NDUFA10: variants seen among roughly 807,000 people sequenced by gnomAD.
NDUFA10 encodes the protein NADH:ubiquinone oxidoreductase subunit A10, also known as NADH dehydrogenase [ubiquinone] 1 alpha subcomplex subunit 10, mitochondrial.
Under a neutral mutation model 47.8 loss-of-function variants are expected in NDUFA10, and 40 were observed. The ratio of observed to expected loss-of-function variants is 0.84; its 90% confidence interval spans 0.65 to 1.09. The LOEUF (loss-of-function observed/expected upper bound fraction) is 1.09. Ranked by LOEUF, NDUFA10 falls within the 50% of genes least tolerant of loss-of-function variation. The probability of loss-of-function intolerance (pLI) is 0.00; values close to 1 mark genes in which losing one functional copy is unlikely to be tolerated. For synonymous variants in NDUFA10, 183 were observed against 172.2 expected, an observed-to-expected ratio of 1.06 and a Z score of -0.49; for missense variants, 413 against 451.1, an observed-to-expected ratio of 0.92 and a Z score of 0.76.
At chr2:239,937,011 G>A (rs1331847800) in intron 4 of NDUFA10, among the ~76,000 whole-genome samples, 1 of 152,062 alleles carries the variant, frequency 6.6e-6, no homozygotes, top group Non-Finnish European at 1.5e-5. Flanking sequence ...ATCTTTTCTG[G>A]AAGCCCCAGC....
intron 8 of NDUFA10, 29 bp downstream of exon 8, chr2:240,005,181 T>G (rs1265288422): frequency 6.3e-7 from 1 of 1,586,366 alleles, no homozygotes; most frequent in Non-Finnish European, 8.7e-7. Flanking sequence ...ACCCCAGACA[T>G]GCAGCAGCCC....
rs532024346 is a variant in NDUFA10, at chr2:239,933,745, G to A, written c.295-38431C>T. ...AGGAATGATATGTAGGGCCCTGTAC[G>A]GAACGAAGTCAGTGAAACAGGGGCA... On this transcript the variant is annotated intron_variant, in intron 4 of 5. Coordinates refer to the NDUFA10 transcript ENST00000419408. Among the ~76,000 whole-genome samples the A allele has an allele frequency of 5.8e-4, 88 of 152,212 alleles. 2 individuals are homozygous for A. In the Middle Eastern group the frequency reaches 0.024, roughly 41 times the overall value.
Position 239,960,210 on chromosome 2 carries a change from C to A in NDUFA10, c.*908G>T, listed in dbSNP as rs1694794003. 1 of 984,948 alleles carries A rather than the reference C, an allele frequency of 1.0e-6. No individual in the cohort carries two copies. Among genetic ancestry groups the A allele is most frequent in the African/African-American group, 1.8e-5 (1 of 56,944 alleles). 61.0% of individuals were successfully genotyped at this position (984,948 alleles called of 1,614,324 possible). A position where few individuals can be genotyped will look rare whatever the true frequency, so the allele number is the denominator to read the frequency against. ...ACAGTGGAGCTTTACAGTGGAAAAC[C>A]CACAGTTCAGTAGGACTCACAACTG... On this transcript the variant is annotated 3_prime_UTR_variant, in exon 10 of 10. Coordinates refer to ENST00000252711, the MANE Select transcript of NDUFA10 (RefSeq NM_004544.4).
At chr2:239,951,579 C>G (rs1224790197) in intron 4 of NDUFA10, among the ~76,000 whole-genome samples, 1 of 152,146 alleles carries the variant, frequency 6.6e-6, no homozygotes, top group East Asian at 1.9e-4. Flanking sequence ...CAGGATGTGC[C>G]GGACACTGAG....
At chr2:239,953,804 C>T (rs1373319415), downstream of NDUFA10, among the ~76,000 whole-genome samples, 1 of 152,244 alleles carries the variant, frequency 6.6e-6, no homozygotes, top group Non-Finnish European at 1.5e-5. Flanking sequence ...GCACAGCCAA[C>T]ACAGGCTCCT....
rs537087873 is a variant in NDUFA10 at position 239,948,682 on chromosome 2, G to A, written c.294+41392C>T. ...CAAGGACAAACTAGGGATTGCAAAGGTGGCTCAGATGCCAGCCTGACGACG... is the reference window on the plus strand; with the variant it reads ...CAAGGACAAACTAGGGATTGCAAAGATGGCTCAGATGCCAGCCTGACGACG... On this transcript the variant is annotated intron_variant, in intron 4 of 5. Coordinates refer to the NDUFA10 transcript ENST00000419408. Among the ~76,000 whole-genome samples the A allele has an allele frequency of 3.9e-5, 6 of 152,336 alleles. No individual in the cohort carries two copies. The South Asian group carries it at 8.3e-4, about 21-fold the overall frequency.
rs2106389006 is a variant in NDUFA10, at chr2:239,957,918, T to C, written c.*3200A>G. ...TCGCTGCTTCGAGTCACACACGTGT[T>C]GCTGTTATAAGGTCCTTTGCTTTGA... is the stretch of plus-strand genomic sequence containing the variant. On this transcript the variant is annotated 3_prime_UTR_variant, in exon 10 of 10. Transcript: ENST00000252711. 6.6e-6 allele frequency: 1 copy of C among 152,344 alleles called. No homozygotes were observed. The highest frequency in any genetic ancestry group is 1.5e-5 in the Non-Finnish European group (1 of 68,042). 9.4% of individuals were successfully genotyped at this position (152,344 alleles called of 1,614,324 possible). A position where few individuals can be genotyped will look rare whatever the true frequency, so the allele number is the denominator to read the frequency against.
intron 4 of NDUFA10, among the ~76,000 whole-genome samples, chr2:239,938,965 G>A (rs924588053): frequency 2.0e-5 from 3 of 152,154 alleles, no homozygotes; most frequent in African/African-American, 7.2e-5. Flanking sequence ...GCGGAAAGAC[G>A]CTGCCTCACG....
intron 5 of NDUFA10, among the ~76,000 whole-genome samples, chr2:239,894,866 A>G (rs952294985): frequency 2.6e-5 from 4 of 152,162 alleles, no homozygotes; most frequent in South Asian, 2.1e-4. Context: ...TTCCATGATG[A>G]ATATGGCTAC....
intron 9 of NDUFA10, among the ~76,000 whole-genome samples, chr2:239,964,827 A>G (rs1430052629): frequency 6.6e-6 from 1 of 152,198 alleles, no homozygotes; most frequent in Non-Finnish European, 1.5e-5. Context: ...TTTTCCCTAA[A>G]GGACCAACTG....
intron 8 of NDUFA10, among the ~76,000 whole-genome samples, chr2:240,003,375 T>C (rs1559379598): frequency 6.6e-6 from 1 of 152,056 alleles, no homozygotes; most frequent in Non-Finnish European, 1.5e-5. Context: ...CATCCAAACG[T>C]TGAGGAGAGG....
Position 239,959,580 on chromosome 2 carries a change from C to G in NDUFA10, c.*1538G>C. 1.0e-6 allele frequency: 1 copy of G among 985,510 alleles called. No homozygotes were observed. The highest frequency in any genetic ancestry group is 1.2e-6 in the Non-Finnish European group (1 of 829,984). 61.0% of individuals were successfully genotyped at this position (985,510 alleles called of 1,614,324 possible). A position where few individuals can be genotyped will look rare whatever the true frequency, so the allele number is the denominator to read the frequency against. On this transcript the variant is annotated 3_prime_UTR_variant, in exon 10 of 10. Transcript: ENST00000252711. ...AGCCACTTAAATCTCGACTCCAATT[C>G]AAAACTCCTGGGAAACTTTATTTTC...
At chr2:239,966,321 A>T (rs1268090146) in intron 9 of NDUFA10, among the ~76,000 whole-genome samples, 2 of 152,214 alleles carry the variant, frequency 1.3e-5, no homozygotes, top group African/African-American at 2.4e-5. Context: ...TGGAGCCCAG[A>T]CATGGAGGAT....
chr2:239,948,683 T>C (rs4312523), intron 4 of NDUFA10, among the ~76,000 whole-genome samples: 117,158 of 152,172 alleles, frequency 0.77, 45,460 homozygotes, highest in African/African-American at 0.87. Flanking sequence ...ATTGCAAAGG[T>C]GGCTCAGATG....
At chr2:239,930,656 G>A (rs1439726765) in intron 4 of NDUFA10, among the ~76,000 whole-genome samples, 2 of 152,128 alleles carry the variant, frequency 1.3e-5, no homozygotes, top group East Asian at 3.9e-4. Context: ...GGGCGGGGTT[G>A]TGGGAAACAG....
rs770655031 is a variant in NDUFA10 at position 240,011,630 on chromosome 2, G to A, written c.736C>T (p.Leu246Phe). 2 of 1,612,262 alleles carry A rather than the reference G, an allele frequency of 1.2e-6. No homozygotes were observed. The change falls in exon 6 of 10, where the codon CTC becomes TTC. Residue 246 changes from leucine to phenylalanine, a missense_variant. Coordinates refer to ENST00000252711, the MANE Select transcript of NDUFA10 (RefSeq NM_004544.4). ...TGTTTGGCTCACCTCATCTCAGGGA[G>A]AAAGGTTTTCTTATAGGCATTCTCA... ...DIENAYKKTFLPEMSEKCEVL... is the reference protein window; with the variant it reads ...DIENAYKKTFFPEMSEKCEVL...
At chr2:240,003,729 G>A (rs549299306) in intron 8 of NDUFA10, among the ~76,000 whole-genome samples, 3 of 152,290 alleles carry the variant, frequency 2.0e-5, no homozygotes, top group East Asian at 3.9e-4. Context: ...CTGAGTGCAC[G>A]CTGGATATGA....
At chr2:239,927,478 G>A (rs562418453) in intron 4 of NDUFA10, among the ~76,000 whole-genome samples, 2 of 152,084 alleles carry the variant, frequency 1.3e-5, no homozygotes, top group Non-Finnish European at 1.5e-5. Context: ...AGGCCCTCAC[G>A]TTCACTCCCC....
intron 4 of NDUFA10, among the ~76,000 whole-genome samples, chr2:239,950,450 G>A (rs1694532445): frequency 6.6e-6 from 1 of 152,214 alleles, no homozygotes; most frequent in African/African-American, 2.4e-5. Context: ...GGAAATCTGA[G>A]GAACGGTTCC....
Sources: gnomAD v4.1 joint callset for allele counts (sites outside exome capture counted in the v4.1 genomes callset) on GRCh38, gnomAD v4.1.1 for gene constraint, MANE v1.5 for transcripts, NCBI Gene and HGNC (gene_info 2026-07-23, HGNC 2026-07-21) for gene names.